SULT2A1: variants seen among roughly 807,000 people sequenced by gnomAD.
SULT2A1 encodes the protein sulfotransferase 2A1.
In SULT2A1, 43 loss-of-function variants were observed where a neutral mutation model predicts 33.9. The observed-to-expected ratio is 1.27, with a 90% CI of 1.00 to 1.64. The LOEUF is 1.64. SULT2A1 is among the 40% of genes most tolerant of loss of function. The probability of loss-of-function intolerance (pLI) is 0.00; values close to 1 mark genes in which losing one functional copy is unlikely to be tolerated. For missense variants in SULT2A1, 300 were observed against 335.1 expected (o/e 0.90, Z 0.82); for synonymous variants, 125 against 113.6 (o/e 1.10, Z -0.64).
rs1214456302 is a variant in SULT2A1 at position 47,886,186 on chromosome 19, T to C, written c.72A>G (p.Arg24=). The C allele has an allele frequency of 6.2e-7, 1 of 1,614,164 alleles. No homozygotes were observed. The highest frequency in any genetic ancestry group is 8.5e-7 in the Non-Finnish European group (1 of 1,180,022). ...TTATCACGAACTCATCACGTACTTT[T>C]CTTAAGGTTTCGGATCTGAAACCCA... ...PTMGFRSETL[R]KVRDEFVIRD... is the part of the protein sequence containing the mutation. Residue 24 remains arginine, a synonymous_variant, in exon 1 of 6, where the codon AGA becomes AGG. Coordinates refer to ENST00000222002, the MANE Select transcript of SULT2A1 (RefSeq NM_003167.4).
chr19:47,880,143 G>A lies in SULT2A1; in HGVS notation c.473-1013C>T, dbSNP rs189675673. 5.6e-3 allele frequency among the ~76,000 whole-genome samples: 822 copies of A among 147,628 alleles called. 8 individuals are homozygous for A. Among genetic ancestry groups the A allele is most frequent in the African/African-American group, 0.019 (773 of 40,408 alleles). On this transcript the variant is annotated intron_variant, in intron 3 of 5. Transcript: ENST00000222002. ...TCCCAGCTACTCGGGAGGCTGAGGC[G>A]GGAGAATGGTGTGAACCTGGGAGGC...
At chr19:47,880,511 C>T (rs1018275913) in intron 3 of SULT2A1, among the ~76,000 whole-genome samples, 6 of 151,424 alleles carry the variant, frequency 4.0e-5, no homozygotes, top group Admixed American at 2.6e-4. Context: ...TTTGTCGGGG[C>T]GGTGAGAACA....
At chr19:47,872,028 G>A (rs961938715) in intron 5 of SULT2A1, among the ~76,000 whole-genome samples, 2 of 151,356 alleles carry the variant, frequency 1.3e-5, no homozygotes, top group African/African-American at 4.9e-5. Context: ...AGCAGTTCTC[G>A]TGCCTCAGCC....
intron 5 of SULT2A1, among the ~76,000 whole-genome samples, chr19:47,872,441 A>G (rs296364): frequency 0.49 from 73,711 of 151,804 alleles, 18,312 homozygotes; most frequent in East Asian, 0.79. Flanking sequence ...TCACACGGGG[A>G]CTTCTGATTC....
At chr19:47,872,614 C>T (rs1600027379) in intron 5 of SULT2A1, among the ~76,000 whole-genome samples, 1 of 152,074 alleles carries the variant, frequency 6.6e-6, no homozygotes, top group East Asian at 1.9e-4. Flanking sequence ...TCTCACCACC[C>T]AATTTAGAGG....
chr19:47,885,615 G>A (rs1003001841), intron 1 of SULT2A1, among the ~76,000 whole-genome samples: 8 of 152,066 alleles, frequency 5.3e-5, no homozygotes, highest in African/African-American at 1.2e-4. Flanking sequence ...AATCCTCACC[G>A]CATCCGCAGT....
rs529798485 is a variant in SULT2A1 at position 47,874,788 on chromosome 19, G to A, written c.614C>T (p.Thr205Met). 5.0e-6 allele frequency: 8 copies of A among 1,613,974 alleles called. No homozygotes were observed. The highest frequency in any genetic ancestry group is 5.9e-6 in the Non-Finnish European group (7 of 1,180,014). The part of the protein sequence containing the change: ...IEKICQFLGK[T>M]LEPEELNLIL... ...TAAGTTCAGTTCTTCGGGTTCTAACGTCTTTCCCAGGAATTGACAGATCTT... is the reference window on the plus strand; with the variant it reads ...TAAGTTCAGTTCTTCGGGTTCTAACATCTTTCCCAGGAATTGACAGATCTT... Residue 205 changes from threonine to methionine, a missense_variant, in exon 5 of 6, where the codon ACG becomes ATG. Coordinates refer to ENST00000222002, the MANE Select transcript of SULT2A1 (RefSeq NM_003167.4).
At chr19:47,881,461 C>T (rs1346568676) in intron 3 of SULT2A1, among the ~76,000 whole-genome samples, 4 of 152,076 alleles carry the variant, frequency 2.6e-5, no homozygotes, top group Non-Finnish European at 5.9e-5. Context: ...TGTGAGCCAC[C>T]GCGCCCAGCC....
intron 1 of SULT2A1, among the ~76,000 whole-genome samples, chr19:47,885,828 A>G (rs1169492389): frequency 1.3e-5 from 2 of 152,064 alleles, no homozygotes; most frequent in Non-Finnish European, 2.9e-5. Flanking sequence ...TCAGGACATC[A>G]TTGGTCATCC....
At chr19:47,873,772 C>A (rs549463044) in intron 5 of SULT2A1, among the ~76,000 whole-genome samples, 10 of 151,748 alleles carry the variant, frequency 6.6e-5, no homozygotes, top group African/African-American at 2.4e-4. Flanking sequence ...CACAGGCACC[C>A]GCCACCATGC....
intron 1 of SULT2A1, among the ~76,000 whole-genome samples, chr19:47,885,179 C>A (rs556252229): frequency 1.3e-5 from 2 of 152,144 alleles, no homozygotes; most frequent in African/African-American, 2.4e-5. Flanking sequence ...GCTGCTCAAC[C>A]AATCTCCAGA....
chr19:47,873,983 A>G (rs1968518156), intron 5 of SULT2A1, among the ~76,000 whole-genome samples: 1 of 151,986 alleles, frequency 6.6e-6, no homozygotes, highest in South Asian at 2.1e-4. Context: ...GGCCATCCCC[A>G]ACCCCGTCCT....
chr19:47,873,550 C>G (rs1416901221), intron 5 of SULT2A1, among the ~76,000 whole-genome samples: 1 of 150,708 alleles, frequency 6.6e-6, no homozygotes, highest in Non-Finnish European at 1.5e-5. Context: ...ATAGCAAAGT[C>G]TCTCTTCTCT....
chr19:47,880,496 C>T (rs901381820), intron 3 of SULT2A1, among the ~76,000 whole-genome samples: 2 of 151,740 alleles, frequency 1.3e-5, no homozygotes, highest in Non-Finnish European at 2.9e-5. Flanking sequence ...ATATACTTAC[C>T]ATTTTTTGTC....
chr19:47,881,338 T>G (rs62530968), intron 3 of SULT2A1, among the ~76,000 whole-genome samples: 4,318 of 151,840 alleles, frequency 0.028, 204 homozygotes, highest in African/African-American at 0.099. Context: ...GGCCGGCTAA[T>G]TTTTTGTATT....
chr19:47,878,321 G>T (rs1968567791), intron 4 of SULT2A1, among the ~76,000 whole-genome samples: 2 of 151,938 alleles, frequency 1.3e-5, no homozygotes. Flanking sequence ...GGAATTAGAG[G>T]TGTGCACCCC....
intron 3 of SULT2A1, among the ~76,000 whole-genome samples, chr19:47,880,009 G>A (rs1968586914): frequency 6.6e-6 from 1 of 151,840 alleles, no homozygotes; most frequent in Non-Finnish European, 1.5e-5. Context: ...GGCCGAGGCG[G>A]GCGGATCACG....
chr19:47,874,394 C>T (rs1968522104), intron 5 of SULT2A1, among the ~76,000 whole-genome samples: 1 of 152,044 alleles, frequency 6.6e-6, no homozygotes, highest in Non-Finnish European at 1.5e-5. Context: ...CAAAAATTAG[C>T]TGGGTGTGGT....
intron 3 of SULT2A1, among the ~76,000 whole-genome samples, chr19:47,880,572 ATTATTATTAT>A (rs1467101289): frequency 3.1e-4 from 1 of 3,250 alleles, no homozygotes; most frequent in Admixed American, 6.0e-3. Context: ...CATTATTATT[ATTATTATTAT>A]TATTATTATT....
Sources: allele counts gnomAD v4.1 joint callset (sites outside exome capture counted in the v4.1 genomes callset), GRCh38; gene constraint gnomAD v4.1.1; transcripts MANE v1.5; gene names NCBI Gene and HGNC (gene_info 2026-07-23, HGNC 2026-07-21).